The following JAM2 variants were observed in gnomAD, a reference collection of about 807,000 sequenced individuals.
The protein encoded by JAM2 is junctional adhesion molecule B.
A neutral mutation model predicts 42.0 loss-of-function variants in JAM2; 17 were observed. The observed-to-expected ratio is 0.40, with a 90% CI of 0.28 to 0.61. The LOEUF is 0.61. Ranked by LOEUF, JAM2 falls within the 20% of genes least tolerant of loss-of-function variation. JAM2 has a pLI of 0.37. For synonymous variants in JAM2, 118 were observed against 128.6 expected (o/e 0.92, Z 0.56); for missense variants, 319 against 358.3 (o/e 0.89, Z 0.89).
rs1479850948 is a variant in JAM2 at position 25,716,615 on chromosome 21, A to AC, written c.*1944dup. On this transcript the variant is annotated 3_prime_UTR_variant, in exon 10 of 10. Coordinates refer to ENST00000480456, the MANE Select transcript of JAM2 (RefSeq NM_021219.4). The stretch of plus-strand genomic sequence containing the variant: ...AGTCATAAGGTCCCTGTTAACAACT[A>AC]CTTGACTCTGCCATTGTAGCACAAA... 1 of 152,224 alleles carries AC rather than the reference A, an allele frequency of 6.6e-6. No homozygotes were observed. The highest frequency in any genetic ancestry group is 1.5e-5 in the Non-Finnish European group (1 of 68,038). The allele number at this position is 152,224 out of a possible 1,614,324, so 9.4% of individuals were successfully genotyped here.
At chr21:25,685,542 A>C (rs969562674) in intron 2 of JAM2, among the ~76,000 whole-genome samples, 1 of 151,642 alleles carries the variant, frequency 6.6e-6, no homozygotes, top group Non-Finnish European at 1.5e-5. Context: ...AAAAAAAAAA[A>C]AAAAAAGTTC....
chr21:25,666,898 T>G (rs1308884988), intron 1 of JAM2, among the ~76,000 whole-genome samples: 1 of 152,238 alleles, frequency 6.6e-6, no homozygotes, highest in African/African-American at 2.4e-5. Flanking sequence ...ACTCTATCAT[T>G]TTAAGCATCA....
At chr21:25,706,491 C>G (rs1177167262) in intron 7 of JAM2, among the ~76,000 whole-genome samples, 1 of 152,010 alleles carries the variant, frequency 6.6e-6, no homozygotes, top group African/African-American at 2.4e-5. Context: ...CCTCTCCTAG[C>G]AAGTTTTAAC....
rs574917130 is a variant in JAM2 at position 25,673,943 on chromosome 21, C to T, written c.68-9940C>T. Reference sequence around the variant, plus strand: ...TTCATTGTAGTGAATAAGTCTCACGCGATCTGATGGTTTTATAAGGGGTTT... The same window carrying T: ...TTCATTGTAGTGAATAAGTCTCACGTGATCTGATGGTTTTATAAGGGGTTT... On this transcript the variant is annotated intron_variant, in intron 1 of 9. Coordinates refer to ENST00000480456, the MANE Select transcript of JAM2 (RefSeq NM_021219.4). Among the ~76,000 whole-genome samples the T allele has an allele frequency of 9.2e-5, 14 of 152,240 alleles. No individual in the cohort carries two copies. In the East Asian group the frequency reaches 1.5e-3, roughly 17 times the overall value.
chr21:25,712,128 C>T, intron 8 of JAM2: 1 of 581,378 alleles, frequency 1.7e-6, no homozygotes, highest in Admixed American at 2.5e-5. Context: ...GTGCACAAGG[C>T]TTCACACTGA....
intron 7 of JAM2, among the ~76,000 whole-genome samples, chr21:25,708,700 A>G (rs2123416087): frequency 6.6e-6 from 1 of 152,340 alleles, no homozygotes; most frequent in Admixed American, 6.5e-5. Flanking sequence ...GTACAGACAA[A>G]TAAGATAACT....
chr21:25,708,913 T>A (rs2034326567), intron 7 of JAM2, among the ~76,000 whole-genome samples: 1 of 152,170 alleles, frequency 6.6e-6, no homozygotes, highest in South Asian at 2.1e-4. Flanking sequence ...TATTCTTGAA[T>A]ATATGTTTAG....
At position 25,711,334 on chromosome 21, in the gene JAM2, C is replaced by T. The variant is rs937687851; in HGVS notation, c.822-1006C>T. On this transcript the variant is annotated intron_variant, in intron 8 of 9. Transcript: ENST00000480456. The stretch of plus-strand genomic sequence containing the variant: ...CCCAACGCCCTGTAGTTTGTGTGTA[C>T]TTGTTTTATGACTGTCCTTCTTGTA... The T allele has an allele frequency of 6.8e-6, 3 of 441,654 alleles. No individual in the cohort carries two copies. The Admixed American group carries it at 7.7e-5, about 11-fold the overall frequency. The allele number at this position is 441,654 out of a possible 1,614,324, so 27.4% of individuals were successfully genotyped here.
chr21:25,660,372 T>C (rs1279568444), intron 1 of JAM2, among the ~76,000 whole-genome samples: 1 of 152,196 alleles, frequency 6.6e-6, no homozygotes, highest in African/African-American at 2.4e-5. Flanking sequence ...TTCAACTTTC[T>C]ATTAACAGAG....
chr21:25,709,512 C>T (rs553753536), intron 8 of JAM2, 63 bp downstream of exon 8: 2 of 1,104,232 alleles, frequency 1.8e-6, no homozygotes, highest in South Asian at 2.9e-5. Flanking sequence ...TATTAATCAT[C>T]TGTTTAAAGT....
At chr21:25,670,832 A>C (rs1168178774) in intron 1 of JAM2, among the ~76,000 whole-genome samples, 4 of 152,254 alleles carry the variant, frequency 2.6e-5, no homozygotes, top group African/African-American at 9.6e-5. Flanking sequence ...AGCAATGCCA[A>C]ACCATTGTTT....
intron 1 of JAM2, among the ~76,000 whole-genome samples, chr21:25,657,447 A>G (rs2032970036): frequency 6.6e-6 from 1 of 152,246 alleles, no homozygotes; most frequent in Non-Finnish European, 1.5e-5. Context: ...TATGAATTAT[A>G]TTTGTAATAT....
intron 8 of JAM2, chr21:25,711,578 T>C: frequency 2.9e-6 from 1 of 341,266 alleles, no homozygotes; most frequent in Non-Finnish European, 5.7e-6. Context: ...CGTAAGATCC[T>C]AATACAAGTC....
intron 8 of JAM2, chr21:25,711,903 C>A (rs1460390449): frequency 5.7e-5 from 12 of 212,034 alleles, no homozygotes; most frequent in African/African-American, 9.5e-5. Context: ...TTCATTAAAT[C>A]TGTGGCCTTC....
intron 1 of JAM2, among the ~76,000 whole-genome samples, chr21:25,675,859 A>G (rs1292461146): frequency 6.6e-6 from 1 of 152,204 alleles, no homozygotes; most frequent in Non-Finnish European, 1.5e-5. Context: ...CAGTATAATA[A>G]TTGTCTTTCA....
intron 5 of JAM2, 125 bp downstream of exon 5, chr21:25,699,004 C>T: frequency 1.2e-6 from 1 of 805,278 alleles, no homozygotes; most frequent in Non-Finnish European, 2.0e-6. Flanking sequence ...GAGGCAGGGG[C>T]ACCAGGAAAG....
intron 1 of JAM2, among the ~76,000 whole-genome samples, chr21:25,669,141 A>G (rs1462772252): frequency 6.6e-6 from 1 of 152,084 alleles, no homozygotes; most frequent in Non-Finnish European, 1.5e-5. Flanking sequence ...GGGAGGCTGA[A>G]GCAAGCAGAT....
At chr21:25,712,516 A>C in intron 9 of JAM2, 134 bp downstream of exon 9, 1 of 618,544 alleles carries the variant, frequency 1.6e-6, no homozygotes, top group Non-Finnish European at 2.8e-6. Context: ...TGGTGTTTAA[A>C]AGGAGCTAAG....
At chr21:25,649,652 C>A (rs750430327) in intron 1 of JAM2, among the ~76,000 whole-genome samples, 10 of 152,100 alleles carry the variant, frequency 6.6e-5, no homozygotes, top group Non-Finnish European at 1.5e-4. Context: ...CCCCTCATGG[C>A]CTAATCTCTT....
Sources: gnomAD v4.1 joint callset for allele counts (sites outside exome capture counted in the v4.1 genomes callset) on GRCh38, gnomAD v4.1.1 for gene constraint, MANE v1.5 for transcripts, NCBI Gene and HGNC (gene_info 2026-07-23, HGNC 2026-07-21) for gene names.